The following THSD4 variants were observed in gnomAD, a reference collection of about 807,000 sequenced individuals.
THSD4 encodes the protein thrombospondin type-1 domain-containing protein 4.
In THSD4, 69 loss-of-function variants were observed where a neutral mutation model predicts 119.0. The ratio of observed to expected loss-of-function variants is 0.58; its 90% CI spans 0.48 to 0.71. The LOEUF (loss-of-function observed/expected upper bound fraction) is 0.71. THSD4 is among the 30% of genes least tolerant of loss of function. The pLI, the probability that THSD4 is intolerant of heterozygous loss-of-function variation, is 0.00. For synonymous variants in THSD4, 524 were observed against 540.4 expected (o/e 0.97, Z 0.42); for missense variants, 1,393 against 1,391.1 (o/e 1.00, Z -0.02).
At chr15:71,490,709 A>G (rs554970125) in intron 7 of THSD4, among the ~76,000 whole-genome samples, 19 of 152,328 alleles carry the variant, frequency 1.2e-4, no homozygotes, top group African/African-American at 4.6e-4. Flanking sequence ...AGCCTGGGTA[A>G]CAGAGCAGGA....
chr15:71,329,597 C>T (rs1472297256), intron 6 of THSD4, among the ~76,000 whole-genome samples: 2 of 152,192 alleles, frequency 1.3e-5, no homozygotes, highest in African/African-American at 2.4e-5. Context: ...TGTGAGATGT[C>T]ATGTCTCAGG....
Position 71,223,725 on chromosome 15 carries a change from C to G in THSD4, c.464+8326C>G, listed in dbSNP as rs557485275. ...GAGGAAACAGCTCAGGTATGAATAC[C>G]TAAGGGAGTGTGCTGAGTGTTCTAC... On this transcript the variant is annotated intron_variant, in intron 4 of 17. Transcript: ENST00000261862. 1.4e-4 allele frequency among the ~76,000 whole-genome samples: 22 copies of G among 152,262 alleles called. No homozygotes were observed. In the South Asian group the frequency reaches 4.4e-3, roughly 30 times the overall value.
At chr15:71,613,566 T>G (rs973537697) in intron 7 of THSD4, among the ~76,000 whole-genome samples, 5 of 152,204 alleles carry the variant, frequency 3.3e-5, no homozygotes, top group African/African-American at 1.2e-4. Flanking sequence ...CTCTTCCTTA[T>G]CTAGACCCTC....
chr15:71,248,454 A>T (rs1291967767), intron 5 of THSD4, among the ~76,000 whole-genome samples: 4 of 152,076 alleles, frequency 2.6e-5, no homozygotes, highest in African/African-American at 9.7e-5. Flanking sequence ...CTTCTGGAGG[A>T]GGGAGGCTGC....
At chr15:71,398,836 G>A (rs1433853168) in intron 6 of THSD4, among the ~76,000 whole-genome samples, 1 of 152,078 alleles carries the variant, frequency 6.6e-6, no homozygotes, top group African/African-American at 2.4e-5. Flanking sequence ...AGGGGATTGG[G>A]TAGGAGACAG....
chr15:71,113,081 T>C (rs933352810), upstream of THSD4, among the ~76,000 whole-genome samples: 9 of 152,202 alleles, frequency 5.9e-5, no homozygotes, highest in Non-Finnish European at 1.2e-4. Context: ...CTCAGCTACC[T>C]GGGAGGCCGC....
chr15:71,410,806 C>T (rs1290176268), intron 6 of THSD4, among the ~76,000 whole-genome samples: 6 of 151,978 alleles, frequency 3.9e-5, no homozygotes, highest in South Asian at 4.2e-4. Context: ...CCGAGGTGGG[C>T]GAATCACTTG....
chr15:71,553,649 T>G (rs560282430), intron 7 of THSD4, among the ~76,000 whole-genome samples: 1 of 152,336 alleles, frequency 6.6e-6, no homozygotes, highest in African/African-American at 2.4e-5. Flanking sequence ...GTTTCTAATA[T>G]TTCATCACTA....
chr15:71,541,363 A>G (rs1025821430), intron 7 of THSD4, among the ~76,000 whole-genome samples: 1 of 152,200 alleles, frequency 6.6e-6, no homozygotes, highest in Non-Finnish European at 1.5e-5. Flanking sequence ...GTATTTGTGC[A>G]TGGCTAAGTG....
chr15:71,478,343 C>T (rs1332683059), intron 7 of THSD4, among the ~76,000 whole-genome samples: 1 of 152,142 alleles, frequency 6.6e-6, no homozygotes, highest in Non-Finnish European at 1.5e-5. Context: ...GGTATTATTA[C>T]ATATATTTAT....
At position 71,107,768 on chromosome 15, in the gene THSD4, T is replaced by A. The variant is rs1181497131; in HGVS notation, c.-80+10762T>A. Among the ~76,000 whole-genome samples the A allele has an allele frequency of 2.6e-5, 4 of 152,344 alleles. No homozygotes were observed. In the East Asian group the frequency reaches 5.8e-4, roughly 22 times the overall value. On this transcript the variant is annotated intron_variant, in intron 1 of 17. Coordinates refer to the THSD4 transcript ENST00000355327. The stretch of plus-strand genomic sequence containing the variant: ...AGACCAACTTCTCTCAGACTGAGGA[T>A]GCTAATGGGGAAGGCACAGGACATG...
chr15:71,635,566 CTT>C (rs2050723005), intron 7 of THSD4, among the ~76,000 whole-genome samples: 1 of 152,222 alleles, frequency 6.6e-6, no homozygotes, highest in South Asian at 2.1e-4. Flanking sequence ...TTCAGTCTCT[CTT>C]TTTCTAAAGG....
intron 6 of THSD4, among the ~76,000 whole-genome samples, chr15:71,394,300 T>A (rs1365103741): frequency 3.2e-5 from 4 of 124,816 alleles, no homozygotes; most frequent in African/African-American, 1.1e-4. Flanking sequence ...TGAGACGGAG[T>A]TTTACTGTGT....
Position 71,263,331 on chromosome 15 carries a change from G to GTATATATATATATA in THSD4, c.1015+6619_1015+6632dup, listed in dbSNP as rs60448462. ...TTTTATGGCTGCATAGTATTCCATG[G>GTATATATATATATA]TATATATATATATATACGACATTTT... On this transcript the variant is annotated intron_variant, in intron 6 of 17. Transcript: ENST00000261862. Among the ~76,000 whole-genome samples the GTATATATATATATA allele has an allele frequency of 6.7e-3, 932 of 138,848 alleles. 14 individuals carry two copies. Among genetic ancestry groups the GTATATATATATATA allele is most frequent in the Admixed American group, 0.012 (167 of 13,742 alleles). The allele number at this position is 138,848 out of a possible 152,430, so 91.1% of individuals were successfully genotyped here.
chr15:71,391,185 C>G (rs1457916055), intron 6 of THSD4, among the ~76,000 whole-genome samples: 1 of 152,066 alleles, frequency 6.6e-6, no homozygotes, highest in Non-Finnish European at 1.5e-5. Context: ...CCCGCCACCA[C>G]GCCCAGCTAA....
intron 8 of THSD4, among the ~76,000 whole-genome samples, chr15:71,720,844 A>G (rs1407820738): frequency 6.6e-6 from 1 of 152,260 alleles, no homozygotes; most frequent in Non-Finnish European, 1.5e-5. Flanking sequence ...GTAGCTTCCA[A>G]GAACTGCTGA....
At chr15:71,143,570 A>G (rs1203395381) in intron 2 of THSD4, among the ~76,000 whole-genome samples, 2 of 152,038 alleles carry the variant, frequency 1.3e-5, no homozygotes, top group African/African-American at 4.8e-5. Context: ...AAAGGCCCCT[A>G]AAAGTGCTTG....
rs80188737 is a variant in THSD4, at chr15:71,436,056, A to G, written c.1152+24233A>G. Among the ~76,000 whole-genome samples, 803 of 152,256 alleles carry G rather than the reference A, an allele frequency of 5.3e-3. 5 individuals are homozygous for G. Among genetic ancestry groups the G allele is most frequent in the African/African-American group, 0.018 (765 of 41,556 alleles). ...AGGGAGAATGCTCCCTCTTGGTTAC[A>G]AGTCAACTCTGAAGGGCATAAAGCA... On this transcript the variant is annotated intron_variant, in intron 7 of 17. Coordinates refer to ENST00000261862, the MANE Select transcript of THSD4 (RefSeq NM_024817.3).
intron 3 of THSD4, chr15:71,189,038 C>G (rs1380149647): frequency 6.6e-6 from 1 of 152,376 alleles, no homozygotes; most frequent in Non-Finnish European, 1.5e-5. Flanking sequence ...TTCTTTCTTT[C>G]AACTAGAATC....
Sources: allele counts gnomAD v4.1 joint callset (sites outside exome capture counted in the v4.1 genomes callset), GRCh38; gene constraint gnomAD v4.1.1; transcripts MANE v1.5; gene names NCBI Gene and HGNC (gene_info 2026-07-23, HGNC 2026-07-21).